ASPH: variants seen among roughly 807,000 people sequenced by gnomAD.
The protein encoded by ASPH is aspartate beta-hydroxylase, also known as aspartyl/asparaginyl beta-hydroxylase.
In ASPH, 100 loss-of-function variants were observed where a neutral mutation model predicts 118.4. The observed-to-expected ratio is 0.84, with a 90% CI of 0.72 to 1.00. The LOEUF (loss-of-function observed/expected upper bound fraction) is 1.00, where lower values mean the gene tolerates loss of function less well. Among genes scored for constraint, ASPH ranks in the 50% least tolerant of loss-of-function variants. The probability of loss-of-function intolerance (pLI) is 0.00; values close to 1 mark genes in which losing one functional copy is unlikely to be tolerated. For missense variants in ASPH, 920 were observed against 919.5 expected (o/e 1.00, Z -0.01); for synonymous variants, 315 against 325.6 (o/e 0.97, Z 0.35).
Position 61,643,967 on chromosome 8 carries a change from CAT to C in ASPH, c.685_686del (p.Met229AspfsTer3). 1.9e-6 allele frequency: 3 copies of C among 1,611,254 alleles called. No homozygotes were observed. The highest frequency in any genetic ancestry group is 2.5e-6 in the Non-Finnish European group (3 of 1,177,856). The part of the protein sequence containing the change: ...SQDCNQDMEE[M>X]MSEQENPDSS... ...AACCTGGATTTTCCTGCTCAGACATCATCTCTTCCATATCCTGATTACAGTCT... is the reference window on the plus strand; with the variant it reads ...AACCTGGATTTTCCTGCTCAGACATCCTCTTCCATATCCTGATTACAGTCT... On this transcript the variant is annotated frameshift_variant, in exon 8 of 25. Coordinates refer to ENST00000379454, the MANE Select transcript of ASPH (RefSeq NM_004318.4). LOFTEE classifies it high-confidence loss of function.
At position 61,651,100 on chromosome 8, in the gene ASPH, G is replaced by A. The variant is rs1370265187; in HGVS notation, c.440C>T (p.Ala147Val). ...EAEPQNIEDE[A>V]KEQIQSLLHE... ...GAGAAGGGACTGAATTTGTTCTTTTGCTTCATCTTCGATATTCTGGGGTTC... is the reference window on the plus strand; with the variant it reads ...GAGAAGGGACTGAATTTGTTCTTTTACTTCATCTTCGATATTCTGGGGTTC... Residue 147 changes from alanine (A) to valine (V), a missense_variant, in exon 5 of 25, where the codon GCA becomes GTA. Physicochemically the swap from Ala to Val is moderately conservative, Grantham distance 64. Transcript: ENST00000379454. 6 of 1,613,540 alleles carry A rather than the reference G, an allele frequency of 3.7e-6. No individual in the cohort carries two copies. Among genetic ancestry groups the A allele is most frequent in the East Asian group, 2.2e-5 (1 of 44,812 alleles).
intron 15 of ASPH, among the ~76,000 whole-genome samples, chr8:61,581,724 T>A (rs574580701): frequency 1.3e-5 from 2 of 152,202 alleles, no homozygotes; most frequent in Non-Finnish European, 2.9e-5. Flanking sequence ...CTTTCAGGTA[T>A]TTGATTACAT....
intron 15 of ASPH, among the ~76,000 whole-genome samples, chr8:61,581,181 T>A (rs1837403502): frequency 6.6e-6 from 1 of 152,366 alleles, no homozygotes; most frequent in East Asian, 1.9e-4. Context: ...TGAGGGGCCA[T>A]CAGCCTTGCT....
intron 21 of ASPH, among the ~76,000 whole-genome samples, chr8:61,540,526 C>A (rs765009051): frequency 3.9e-5 from 6 of 152,114 alleles, no homozygotes; most frequent in South Asian, 4.1e-4. Flanking sequence ...GAACCGTGAG[C>A]CAATTAAACC....
intron 15 of ASPH, chr8:61,578,885 C>T: frequency 6.2e-7 from 1 of 1,612,054 alleles, no homozygotes; most frequent in Non-Finnish European, 8.5e-7. Context: ...ACGAGATCAA[C>T]TTCCTCAGGC....
intron 20 of ASPH, among the ~76,000 whole-genome samples, chr8:61,550,931 G>A (rs1825775023): frequency 6.6e-6 from 1 of 152,100 alleles, no homozygotes; most frequent in African/African-American, 2.4e-5. Flanking sequence ...AGGAGGAGAG[G>A]GAGGAGCTCA....
At chr8:61,582,484 G>A (rs187810571) in intron 15 of ASPH, among the ~76,000 whole-genome samples, 1 of 152,246 alleles carries the variant, frequency 6.6e-6, no homozygotes, top group Admixed American at 6.5e-5. Context: ...ACAGTAGATG[G>A]CTTCACTTCA....
At chr8:61,605,134 C>T (rs1033793048) in intron 14 of ASPH, among the ~76,000 whole-genome samples, 1 of 152,164 alleles carries the variant, frequency 6.6e-6, no homozygotes, top group Non-Finnish European at 1.5e-5. Flanking sequence ...ATAAACACTT[C>T]CTAGAAAAAT....
rs921544913 is a variant in ASPH, at chr8:61,562,735, G to A, written c.1437+9C>T. ...AATTTGACGTAGTTAATACAAGATTGATGCTTACCTCTTCATAAACTTTCT... is the reference window on the plus strand; with the variant it reads ...AATTTGACGTAGTTAATACAAGATTAATGCTTACCTCTTCATAAACTTTCT... On this transcript the variant is annotated intron_variant, in intron 18 of 24. Coordinates refer to ENST00000379454, the MANE Select transcript of ASPH (RefSeq NM_004318.4). 43 of 1,598,334 alleles carry A rather than the reference G, an allele frequency of 2.7e-5. No individual in the cohort carries two copies. Among genetic ancestry groups the A allele is most frequent in the Non-Finnish European group, 3.6e-5 (42 of 1,174,044 alleles).
rs565313729 is a variant in ASPH, at chr8:61,609,476, G to T, written c.976+9502C>A. Among the ~76,000 whole-genome samples the T allele has an allele frequency of 1.6e-3, 241 of 152,264 alleles. 4 individuals are homozygous for T. The highest frequency in any genetic ancestry group is 1.8e-4 in the Non-Finnish European group (12 of 68,030). On this transcript the variant is annotated intron_variant, in intron 14 of 24. Coordinates refer to ENST00000379454, the MANE Select transcript of ASPH (RefSeq NM_004318.4). ...GGTAGCAGCAAAGGACTGTGGGGTGGATCCCAATGGATGAAGAGGAAGAAG... is the reference window on the plus strand; with the variant it reads ...GGTAGCAGCAAAGGACTGTGGGGTGTATCCCAATGGATGAAGAGGAAGAAG...
chr8:61,588,497 T>C (rs1224206422), intron 14 of ASPH, among the ~76,000 whole-genome samples: 1 of 152,218 alleles, frequency 6.6e-6, no homozygotes. Flanking sequence ...AATCTTCACA[T>C]TACTCTATGT....
intron 13 of ASPH, among the ~76,000 whole-genome samples, chr8:61,632,875 C>T (rs1856193278): frequency 6.6e-6 from 1 of 152,044 alleles, no homozygotes; most frequent in Non-Finnish European, 1.5e-5. Flanking sequence ...CTACAAAATT[C>T]ATGTTAAAAT....
intron 20 of ASPH, among the ~76,000 whole-genome samples, chr8:61,548,672 C>T (rs1824775242): frequency 6.6e-6 from 1 of 152,198 alleles, no homozygotes; most frequent in African/African-American, 2.4e-5. Flanking sequence ...CATGTACTTT[C>T]CATGTCCACA....
chr8:61,612,894 T>G (rs1036208294), intron 14 of ASPH, among the ~76,000 whole-genome samples: 3 of 152,242 alleles, frequency 2.0e-5, no homozygotes, highest in African/African-American at 7.2e-5. Context: ...CACTTAAAGT[T>G]AATTCATAGT....
At chr8:61,594,321 T>C (rs139967874) in intron 14 of ASPH, among the ~76,000 whole-genome samples, 67 of 152,380 alleles carry the variant, frequency 4.4e-4, no homozygotes, top group African/African-American at 1.5e-3. Context: ...ATGCTTAAAG[T>C]TATCTAACAT....
chr8:61,647,201 G>A (rs921242553), intron 5 of ASPH, among the ~76,000 whole-genome samples: 1 of 152,148 alleles, frequency 6.6e-6, no homozygotes, highest in Non-Finnish European at 1.5e-5. Context: ...AATATTTGAT[G>A]AATGAATAAA....
At chr8:61,647,138 T>C (rs1445762100) in intron 5 of ASPH, among the ~76,000 whole-genome samples, 1 of 152,202 alleles carries the variant, frequency 6.6e-6, no homozygotes, top group Non-Finnish European at 1.5e-5. Flanking sequence ...ATTTTATCCA[T>C]TATATATTCC....
chr8:61,642,425 TA>T (rs1805586090), intron 10 of ASPH, among the ~76,000 whole-genome samples: 1 of 152,238 alleles, frequency 6.6e-6, no homozygotes, highest in African/African-American at 2.4e-5. Flanking sequence ...GTGGAATGGG[TA>T]AACAGTCTCC....
chr8:61,565,401 GA>G (rs1353702927), intron 17 of ASPH, among the ~76,000 whole-genome samples: 1 of 152,106 alleles, frequency 6.6e-6, no homozygotes, highest in Non-Finnish European at 1.5e-5. Flanking sequence ...GGTATCACAG[GA>G]AGAGTTTTTT....
Sources: allele counts gnomAD v4.1 joint callset (sites outside exome capture counted in the v4.1 genomes callset), GRCh38; gene constraint gnomAD v4.1.1; transcripts MANE v1.5; gene names NCBI Gene and HGNC (gene_info 2026-07-23, HGNC 2026-07-21).